RGR: variants seen among roughly 807,000 people sequenced by gnomAD.
The protein encoded by RGR is retinal G protein coupled receptor.
A neutral mutation model predicts 28.6 loss-of-function variants in RGR; 30 were observed. The observed-to-expected ratio is 1.05, with a 90% confidence interval of 0.78 to 1.42. The LOEUF is 1.42. Ranked by LOEUF, RGR falls within the 40% of genes most tolerant of loss-of-function variation. The pLI, the probability that RGR is intolerant of heterozygous loss-of-function variation, is 0.00. For missense variants in RGR, 404 were observed against 375.6 expected, an observed-to-expected ratio of 1.08 and a Z score of -0.62; for synonymous variants, 180 against 156.4, an observed-to-expected ratio of 1.15 and a Z score of -1.13.
chr10:84,249,298 C>T (rs1479262757), intron 3 of RGR, among the ~76,000 whole-genome samples: 1 of 152,166 alleles, frequency 6.6e-6, no homozygotes, highest in Admixed American at 6.5e-5. Flanking sequence ...GAACCTTAGT[C>T]TCCTCCTCTG....
chr10:84,248,745 C>T, intron 2 of RGR, 177 bp from the exon 3 acceptor site: 1 of 1,102,904 alleles, frequency 9.1e-7, no homozygotes, highest in South Asian at 1.4e-5. Context: ...CATTGGGCTC[C>T]ACCCCTTCAG....
intron 3 of RGR, chr10:84,250,256 C>T (rs1842798548): frequency 2.9e-6 from 2 of 687,188 alleles, no homozygotes; most frequent in Non-Finnish European, 5.5e-6. Context: ...ATAGCCAGCA[C>T]AGCCTCAAAC....
intron 5 of RGR, chr10:84,255,397 T>C (rs1183426833): frequency 1.3e-5 from 2 of 152,226 alleles, no homozygotes; most frequent in Non-Finnish European, 2.9e-5. Context: ...GATGTGAGGT[T>C]TGGCACAAAG....
At position 84,248,998 on chromosome 10, in the gene RGR, A is replaced by G; in HGVS notation, c.313A>G (p.Ser105Gly). Residue 105 changes from serine (S) to glycine (G), a missense_variant, in exon 3 of 7, where the codon AGC (serine) becomes GGC (glycine). Transcript: ENST00000652092. ...GFVTALASIC[S>G]SAAIAWGRYH... ...TGTGACAGCGTTGGCCAGCATCTGCAGCAGTGCAGCCATCGCATGGGGGCG... is the reference window on the plus strand; with the variant it reads ...TGTGACAGCGTTGGCCAGCATCTGCGGCAGTGCAGCCATCGCATGGGGGCG... 1 of 1,614,102 alleles carries G rather than the reference A, an allele frequency of 6.2e-7. No individual in the cohort carries two copies. The highest frequency in any genetic ancestry group is 8.5e-7 in the Non-Finnish European group (1 of 1,179,976).
intron 6 of RGR, 57 bp from the exon 7 acceptor site, chr10:84,258,451 C>G (rs1842914769): frequency 6.2e-7 from 1 of 1,613,506 alleles, no homozygotes; most frequent in Non-Finnish European, 8.5e-7. Context: ...CCAGGTGAGA[C>G]CAGAGAGAGG....
chr10:84,251,438 G>A (rs1353657250), intron 3 of RGR, among the ~76,000 whole-genome samples: 1 of 152,170 alleles, frequency 6.6e-6, no homozygotes. Flanking sequence ...GTCCAAATGC[G>A]AGGTGTCAGC....
rs1317642925 is a variant in RGR, at chr10:84,259,109, T to TA, written c.*471dup. On this transcript the variant is annotated 3_prime_UTR_variant, in exon 7 of 7. Coordinates refer to ENST00000652092, the MANE Select transcript of RGR (RefSeq NM_001012720.2). ...GTGTACACATTATTTAGCTCCCACTTACAAGTGAGAACATGTGGTATTTGA... is the reference window on the plus strand; with the variant it reads ...GTGTACACATTATTTAGCTCCCACTTAACAAGTGAGAACATGTGGTATTTGA... The TA allele has an allele frequency of 5.5e-6, 1 of 180,386 alleles. No individual in the cohort carries two copies. Among genetic ancestry groups the TA allele is most frequent in the Non-Finnish European group, 1.2e-5 (1 of 83,380 alleles). The allele number at this position is 180,386 out of a possible 1,614,324, so 11.2% of individuals were successfully genotyped here. A position where few individuals can be genotyped will look rare whatever the true frequency, so the allele number is the denominator to read the frequency against.
At chr10:84,251,657 C>T (rs965509693) in intron 3 of RGR, among the ~76,000 whole-genome samples, 4 of 152,196 alleles carry the variant, frequency 2.6e-5, no homozygotes, top group Non-Finnish European at 5.9e-5. Flanking sequence ...CAATTCTCCA[C>T]CTCAGTCTCC....
chr10:84,245,266 A>G, intron 1 of RGR, 97 bp downstream of exon 1: 2 of 1,246,582 alleles, frequency 1.6e-6, no homozygotes, highest in South Asian at 2.7e-5. Flanking sequence ...GAGGTCCCCA[A>G]ACCCAGCTGG....
At chr10:84,248,546 A>G in intron 2 of RGR, 2 of 345,208 alleles carry the variant, frequency 5.8e-6, no homozygotes, top group Non-Finnish European at 1.1e-5. Flanking sequence ...GAGGCCTGGG[A>G]TCTCCCCTCT....
chr10:84,245,398 A>T (rs1842735687), intron 1 of RGR, among the ~76,000 whole-genome samples: 1 of 152,184 alleles, frequency 6.6e-6, no homozygotes, highest in South Asian at 2.1e-4. Flanking sequence ...GGCAAGGGTC[A>T]GGGAGGGAGG....
intron 5 of RGR, among the ~76,000 whole-genome samples, 160 bp from the exon 6 acceptor site, chr10:84,257,733 G>C (rs1054199095): frequency 6.6e-6 from 1 of 152,170 alleles, no homozygotes; most frequent in Non-Finnish European, 1.5e-5. Context: ...AAACAACAGA[G>C]AGGCCCATCT....
Position 84,253,006 on chromosome 10 carries a change from G to C in RGR, c.508G>C (p.Asp170His). 6.2e-7 allele frequency: 1 copy of C among 1,613,380 alleles called. No individual in the cohort carries two copies. ...TCCTLDYSKG[D>H]RNFTSFLFTM... ...CTGCACCCTGGACTACTCCAAGGGG[G>C]ACAGGTGAGGTGGGAGGAGCAGCTT... Residue 170 changes from aspartate (D) to histidine (H), a missense_variant, in exon 4 of 7, where the codon GAC becomes CAC. By Grantham distance (81) the Asp-to-His change is moderately conservative (BLOSUM62 -1). Coordinates refer to ENST00000652092, the MANE Select transcript of RGR (RefSeq NM_001012720.2).
intron 4 of RGR, among the ~76,000 whole-genome samples, chr10:84,253,995 A>G (rs1239075214): frequency 6.6e-6 from 1 of 152,156 alleles, no homozygotes; most frequent in Non-Finnish European, 1.5e-5. Context: ...TGGGCCTAGA[A>G]TGCTCCTTGA....
At chr10:84,248,686 C>T (rs1435767265) in intron 2 of RGR, 6 of 636,590 alleles carry the variant, frequency 9.4e-6, no homozygotes, top group Non-Finnish European at 1.4e-5. Flanking sequence ...CAGAGAGAGC[C>T]TATGGCCCAA....
rs901378667 is a variant in RGR at position 84,257,791 on chromosome 10, A to G, written c.631-102A>G. 6.5e-6 allele frequency: 6 copies of G among 925,238 alleles called. No individual in the cohort carries two copies. In the African/African-American group the frequency reaches 6.5e-5, roughly 10 times the overall value. 57.3% of individuals were successfully genotyped at this position (925,238 alleles called of 1,614,324 possible). A position where few individuals can be genotyped will look rare whatever the true frequency, so the allele number is the denominator to read the frequency against. On this transcript the variant is annotated intron_variant, in intron 5 of 6. Coordinates refer to ENST00000652092, the MANE Select transcript of RGR (RefSeq NM_001012720.2). ...TCAGCCCCCTCCTGAAGCCTGGTCC[A>G]TGCTGCCCCGCCCTGCTGAGTGCTG... is the stretch of plus-strand genomic sequence containing the variant.
At chr10:84,248,454 G>A (rs1423858795) in intron 2 of RGR, 4 of 275,024 alleles carry the variant, frequency 1.5e-5, no homozygotes, top group Non-Finnish European at 2.8e-5. Flanking sequence ...GTGCTGACCA[G>A]CCTGGGGGGT....
In RGR at chr10:84,258,583, A is replaced by AG. The variant is rs1842917477; in HGVS notation, c.824dup (p.Ile276AsnfsTer78). The AG allele has an allele frequency of 1.2e-6, 2 of 1,614,198 alleles. No homozygotes were observed. Among genetic ancestry groups the AG allele is most frequent in the Non-Finnish European group, 1.7e-6 (2 of 1,180,030 alleles). On this transcript the variant is annotated frameshift_variant, in exon 7 of 7. Transcript: ENST00000652092. LOFTEE classifies it low-confidence loss of function (END_TRUNC). ...TGCCCTGGGCAATGAGATGGTCTGC[A>AG]GGGGAATCTGGCAGTGCCTCTCACC...
In RGR at chr10:84,257,241, G is replaced by A. The variant is rs149287351; in HGVS notation, c.631-652G>A. On this transcript the variant is annotated intron_variant, in intron 5 of 6. Transcript: ENST00000652092. ...AGTCTTGCGCCCCCTCATGGCCCCA[G>A]GCGGCACCCCAGCATCTCCCGCTCT... Among the ~76,000 whole-genome samples, 867 of 152,262 alleles carry A rather than the reference G, an allele frequency of 5.7e-3. 4 individuals carry two copies. Among genetic ancestry groups the A allele is most frequent in the Middle Eastern group, 0.017 (5 of 294 alleles).
Sources: gnomAD v4.1 joint callset for allele counts (sites outside exome capture counted in the v4.1 genomes callset) on GRCh38, gnomAD v4.1.1 for gene constraint, MANE v1.5 for transcripts, NCBI Gene and HGNC (gene_info 2026-07-23, HGNC 2026-07-21) for gene names.